Variants in NAV1 observed in about 807,000 individuals in gnomAD.
NAV1 encodes pore membrane and/or filament interacting like protein 3.
A neutral mutation model predicts 175.2 loss-of-function variants in NAV1; 18 were observed. The ratio of observed to expected loss-of-function variants is 0.10; its 90% confidence interval spans 0.07 to 0.15. The LOEUF is 0.15. Ranked by LOEUF, NAV1 falls within the 10% of genes least tolerant of loss-of-function variation. The pLI, the probability that NAV1 is intolerant of heterozygous loss-of-function variation, is 1.00. For synonymous variants in NAV1, 897 were observed against 978.7 expected, an observed-to-expected ratio of 0.92 and a Z score of 1.56; for missense variants, 1,731 against 2,436.6, an observed-to-expected ratio of 0.71 and a Z score of 6.10.
intron 7 of NAV1, among the ~76,000 whole-genome samples, chr1:201,784,490 G>A (rs1461489666): frequency 6.6e-6 from 1 of 151,204 alleles, no homozygotes; most frequent in African/African-American, 2.4e-5. Context: ...TCACATCCTA[G>A]TTTTCCCCTC....
intron 1 of NAV1, among the ~76,000 whole-genome samples, chr1:201,683,766 C>T (rs1038966064): frequency 6.6e-6 from 1 of 152,156 alleles, no homozygotes; most frequent in Non-Finnish European, 1.5e-5. Context: ...AGTTTCTCCA[C>T]GGAGTGTTAC....
chr1:201,660,897 G>T (rs1214146561), intron 1 of NAV1, among the ~76,000 whole-genome samples: 2 of 152,172 alleles, frequency 1.3e-5, no homozygotes, highest in East Asian at 3.9e-4. Context: ...GTGGCAGGGG[G>T]AGCACATGAG....
intron 1 of NAV1, among the ~76,000 whole-genome samples, chr1:201,687,123 T>C (rs1670714870): frequency 6.6e-6 from 1 of 152,270 alleles, no homozygotes; most frequent in Non-Finnish European, 1.5e-5. Context: ...TACAGTATTA[T>C]ATAAATTACA....
chr1:201,561,807 A>T (rs932094343), intron 1 of NAV1, among the ~76,000 whole-genome samples: 15 of 152,170 alleles, frequency 9.9e-5, no homozygotes, highest in African/African-American at 3.6e-4. Context: ...CTTGCCCATC[A>T]GCCTGGGAAC....
intron 1 of NAV1, among the ~76,000 whole-genome samples, chr1:201,697,548 G>T (rs770693693): frequency 6.6e-5 from 10 of 152,136 alleles, no homozygotes; most frequent in Non-Finnish European, 1.3e-4. Flanking sequence ...AGGCTGTGTC[G>T]TCTTGAGCAA....
At position 201,788,807 on chromosome 1, in the gene NAV1, C is replaced by T. The variant is rs1356595394; in HGVS notation, c.3166+169C>T. On this transcript the variant is annotated intron_variant, in intron 10 of 29. Transcript: ENST00000367296. This position sits in a 1 kb window ranked among gnomAD's most constrained non-coding sequence, Gnocchi z 5.7. ...CCATCCCTTTGAAGGGTCTGGGGAC[C>T]CAGAAACCTTGGGTGGCACATCTAG... Among the ~76,000 whole-genome samples, 1 of 152,102 alleles carries T rather than the reference C, an allele frequency of 6.6e-6. No homozygotes were observed. The highest frequency in any genetic ancestry group is 2.4e-5 in the African/African-American group (1 of 41,414).
chr1:201,587,536 A>C (rs563344254), intron 1 of NAV1, among the ~76,000 whole-genome samples: 6 of 152,044 alleles, frequency 3.9e-5, no homozygotes, highest in Middle Eastern at 3.4e-3. Flanking sequence ...AGATGCAAAA[A>C]TTAGCCAGGC....
intron 3 of NAV1, among the ~76,000 whole-genome samples, chr1:201,746,294 C>T (rs1283713255): frequency 2.6e-5 from 4 of 152,238 alleles, no homozygotes; most frequent in East Asian, 3.9e-4. Flanking sequence ...TGATAGGATA[C>T]CACTGTAAGA....
At chr1:201,583,746 G>A (rs377515801) in intron 1 of NAV1, among the ~76,000 whole-genome samples, 34 of 152,184 alleles carry the variant, frequency 2.2e-4, no homozygotes, top group Non-Finnish European at 3.8e-4. Flanking sequence ...GTAAACCTCC[G>A]GTCTTCTATT....
At chr1:201,767,272 G>A (rs991031410) in intron 3 of NAV1, among the ~76,000 whole-genome samples, 3 of 151,486 alleles carry the variant, frequency 2.0e-5, no homozygotes, top group Non-Finnish European at 4.4e-5. Flanking sequence ...CCAATGTGGT[G>A]AAACCCTGTC....
At chr1:201,773,866 C>G (rs965377002) in intron 3 of NAV1, among the ~76,000 whole-genome samples, 2 of 152,150 alleles carry the variant, frequency 1.3e-5, no homozygotes, top group Non-Finnish European at 2.9e-5. Context: ...CTTCATTGTC[C>G]TGTTATATCT....
chr1:201,773,652 TAA>T (rs1345120652), intron 3 of NAV1, among the ~76,000 whole-genome samples: 1 of 152,166 alleles, frequency 6.6e-6, no homozygotes, highest in Non-Finnish European at 1.5e-5. Flanking sequence ...AAGACATACC[TAA>T]GTTTTTGATA....
intron 1 of NAV1, among the ~76,000 whole-genome samples, chr1:201,583,123 C>T (rs376305733): frequency 1.3e-5 from 2 of 151,970 alleles, no homozygotes; most frequent in East Asian, 1.9e-4. Flanking sequence ...CCAACCATGG[C>T]GGCTCTACAC....
chr1:201,614,145 C>T (rs375259885), intron 2 of NAV1, among the ~76,000 whole-genome samples: 2 of 152,230 alleles, frequency 1.3e-5, no homozygotes, highest in Non-Finnish European at 2.9e-5. Context: ...TATCTCAGTG[C>T]GTGAGTTCAG....
At chr1:201,626,295 C>T (rs61459063) in intron 1 of NAV1, among the ~76,000 whole-genome samples, 5,135 of 152,296 alleles carry the variant, frequency 0.034, 299 homozygotes, top group African/African-American at 0.12. Context: ...CCCTGCCACC[C>T]GCCCCAGCAC....
In NAV1 at chr1:201,679,308, G is replaced by A. The variant is rs571680226; in HGVS notation, c.757+29883G>A. On this transcript the variant is annotated intron_variant, in intron 1 of 29. Transcript: ENST00000367296. The stretch of plus-strand genomic sequence containing the variant: ...TACCGGTGTGCATCTGGGAAAGTGA[G>A]TCAGCCACGTGAAAATGAGCAGCCC... Among the ~76,000 whole-genome samples, 12 of 152,268 alleles carry A rather than the reference G, an allele frequency of 7.9e-5. No individual in the cohort carries two copies. In the East Asian group the frequency reaches 1.9e-3, roughly 25 times the overall value.
At chr1:201,789,871 G>T in intron 11 of NAV1, 79 bp downstream of exon 15, 1 of 1,413,096 alleles carries the variant, frequency 7.1e-7, no homozygotes. Flanking sequence ...CTTGGAGTTG[G>T]GTAACTGGGC....
intron 1 of NAV1, among the ~76,000 whole-genome samples, chr1:201,680,674 T>C (rs1670431313): frequency 6.6e-6 from 1 of 152,140 alleles, no homozygotes; most frequent in South Asian, 2.1e-4. Flanking sequence ...GGGGATCACA[T>C]TTCAACAGGA....
At chr1:201,612,956 A>G (rs1028055873) in intron 2 of NAV1, among the ~76,000 whole-genome samples, 1 of 152,102 alleles carries the variant, frequency 6.6e-6, no homozygotes, top group Non-Finnish European at 1.5e-5. Context: ...CTCTTGCCTG[A>G]GGTGAAGCCC....
Sources: gnomAD v4.1 joint callset for allele counts (sites outside exome capture counted in the v4.1 genomes callset) on GRCh38, gnomAD v4.1.1 for gene constraint, Gnocchi (gnomAD v3.1) non-coding constraint, MANE v1.5 for transcripts, NCBI Gene and HGNC (gene_info 2026-07-23, HGNC 2026-07-21) for gene names.